IMPA2: variants seen among roughly 807,000 people sequenced by gnomAD.
IMPA2 encodes the protein IMP 2.
In IMPA2, 32 loss-of-function variants were observed where a neutral mutation model predicts 35.1. That is an observed-to-expected ratio of 0.91 (90% CI 0.69 to 1.23). IMPA2 has a LOEUF of 1.23. Ranked by LOEUF, IMPA2 falls within the 50% of genes most tolerant of loss-of-function variation. The pLI, the probability that IMPA2 is intolerant of heterozygous loss-of-function variation, is 0.00. For synonymous variants in IMPA2, 135 were observed against 160.6 expected, an observed-to-expected ratio of 0.84 and a Z score of 1.20; for missense variants, 334 against 387.6, an observed-to-expected ratio of 0.86 and a Z score of 1.16.
At chr18:12,017,027 CCT>C (rs1907597398) in intron 5 of IMPA2, among the ~76,000 whole-genome samples, 1 of 152,126 alleles carries the variant, frequency 6.6e-6, no homozygotes. Context: ...TCTCTTTCTC[CCT>C]CTCTCTTTCT....
chr18:11,981,953 C>T (rs1906512855), intron 1 of IMPA2, among the ~76,000 whole-genome samples, 188 bp downstream of exon 1: 1 of 152,232 alleles, frequency 6.6e-6, no homozygotes, highest in Non-Finnish European at 1.5e-5. Context: ...CCGCGCCCTT[C>T]TCCAACTCCC....
At chr18:11,999,781 T>G (rs1245037049) in intron 2 of IMPA2, among the ~76,000 whole-genome samples, 1 of 152,368 alleles carries the variant, frequency 6.6e-6, no homozygotes, top group East Asian at 1.9e-4. Flanking sequence ...GGGGTCACCC[T>G]TTGAGTATTT....
intron 6 of IMPA2, 168 bp from the exon 7 acceptor site, chr18:12,028,674 T>C: frequency 1.3e-6 from 1 of 756,710 alleles, no homozygotes; most frequent in Non-Finnish European, 2.1e-6. Context: ...GGCCTGTTGG[T>C]TGGTGGCTCC....
chr18:12,024,997 G>T (rs920260372), intron 5 of IMPA2, among the ~76,000 whole-genome samples: 1 of 152,138 alleles, frequency 6.6e-6, no homozygotes, highest in Non-Finnish European at 1.5e-5. Context: ...GTATCATATA[G>T]AATATTTTCG....
intron 2 of IMPA2, among the ~76,000 whole-genome samples, chr18:12,008,136 C>T (rs1907329539): frequency 6.6e-6 from 1 of 152,002 alleles, no homozygotes; most frequent in Non-Finnish European, 1.5e-5. Flanking sequence ...GCTGGGAGTA[C>T]AGGCGCCCAC....
In IMPA2 at chr18:12,012,436, G is replaced by A. The variant is rs574147823; in HGVS notation, c.381+221G>A. 1,143 of 570,064 alleles carry A rather than the reference G, an allele frequency of 2.0e-3. 3 individuals carry two copies. Among genetic ancestry groups the A allele is most frequent in the Admixed American group, 3.7e-3 (121 of 32,854 alleles). 35.3% of individuals were successfully genotyped at this position (570,064 alleles called of 1,614,324 possible). On this transcript the variant is annotated intron_variant, in intron 4 of 7. Coordinates refer to ENST00000269159, the MANE Select transcript of IMPA2 (RefSeq NM_014214.3). ...GCTCCGTGGCTGGCCCTTGTCCCCC[G>A]TGGAGGGCTGGCCTCGTGTCAACCG...
At chr18:12,007,202 T>G (rs143170668) in intron 2 of IMPA2, among the ~76,000 whole-genome samples, 1 of 150,656 alleles carries the variant, frequency 6.6e-6, no homozygotes, top group Non-Finnish European at 1.5e-5. Context: ...AGGACAGCAC[T>G]GCCAGCGGCT....
At chr18:12,017,405 C>G (rs2143814556) in intron 5 of IMPA2, among the ~76,000 whole-genome samples, 1 of 152,276 alleles carries the variant, frequency 6.6e-6, no homozygotes, top group East Asian at 1.9e-4. Flanking sequence ...ATATCACTCT[C>G]TACCCAAAAT....
rs1286231728 is a variant in IMPA2 at position 11,991,172 on chromosome 18, G to A, written c.97-7882G>A. 2.0e-5 allele frequency among the ~76,000 whole-genome samples: 3 copies of A among 152,212 alleles called. No individual in the cohort carries two copies. Among genetic ancestry groups the A allele is most frequent in the African/African-American group, 4.8e-5 (2 of 41,446 alleles). ...AGGAAAGCCACGAGGGGAGGCAGGGGCCACAGGCCACGGGCCCTGGAACAC... is the reference window on the plus strand; with the variant it reads ...AGGAAAGCCACGAGGGGAGGCAGGGACCACAGGCCACGGGCCCTGGAACAC... On this transcript the variant is annotated intron_variant, in intron 1 of 7. Transcript: ENST00000269159. The surrounding 1 kb of genome is among the most constrained non-coding windows in gnomAD (Gnocchi z 4.1).
At chr18:12,017,914 A>C (rs996437318) in intron 5 of IMPA2, 1 of 235,214 alleles carries the variant, frequency 4.3e-6, no homozygotes, top group Admixed American at 5.9e-5. Flanking sequence ...TATAGAGTCG[A>C]TAATGAGTTA....
chr18:12,030,264 A>C, intron 7 of IMPA2, 79 bp from the exon 8 acceptor site: 2 of 1,015,888 alleles, frequency 2.0e-6, no homozygotes, highest in South Asian at 2.7e-5. Context: ...TGCTGTGTGC[A>C]TGTGGGATAA....
rs776366524 is a variant in IMPA2, at chr18:12,009,952, C to T, written c.300C>T (p.Ile100=). 8 of 1,613,954 alleles carry T rather than the reference C, an allele frequency of 5.0e-6. No homozygotes were observed. Among genetic ancestry groups the T allele is most frequent in the East Asian group, 4.5e-5 (2 of 44,892 alleles). ...TCACCCACAGCCCGACGTGGATCAT[C>T]GACCCCATCGACGGCACCTGCAATT... ...CVLTHSPTWI[I]DPIDGTCNFV... Residue 100 remains isoleucine, a synonymous_variant, in exon 3 of 8, where the codon ATC becomes ATT. Transcript: ENST00000269159.
rs750396340 is a variant in IMPA2, at chr18:12,028,047, C to T, written c.495C>T (p.Leu165=). ...QRLRVSGETD[L]SKALVLTEIG... is the part of the protein sequence containing the mutation. ...AGGAAATTCTTTTTATTGCAGATCT[C>T]TCAAAGGCCTTGGTTCTGACAGAAA... The change falls in exon 6 of 8, where the codon CTC becomes CTT. Residue 165 remains leucine (L), a synonymous_variant. Transcript: ENST00000269159. 6 of 1,611,190 alleles carry T rather than the reference C, an allele frequency of 3.7e-6. No individual in the cohort carries two copies. The South Asian group carries it at 6.6e-5, about 18-fold the overall frequency.
At chr18:12,016,105 A>C (rs1047908053) in intron 5 of IMPA2, among the ~76,000 whole-genome samples, 10 of 152,222 alleles carry the variant, frequency 6.6e-5, no homozygotes, top group African/African-American at 2.4e-4. Context: ...CTTTAGAAAA[A>C]TTCTGATGGA....
At position 11,999,183 on chromosome 18, in the gene IMPA2, C is replaced by T. The variant is rs1489002707; in HGVS notation, c.226C>T (p.His76Tyr). The change falls in exon 2 of 8, where the codon CAC (histidine) becomes TAC (tyrosine). Residue 76 changes from histidine to tyrosine, a missense_variant. Transcript: ENST00000269159. ...TGAGTTGCGAGAGAGGTTTCCTTCACACAGGTAGGTGTACTCCTCTGGGAA... is the reference window on the plus strand; with the variant it reads ...TGAGTTGCGAGAGAGGTTTCCTTCATACAGGTAGGTGTACTCCTCTGGGAA... The part of the protein sequence containing the change: ...ISELRERFPS[H>Y]RFIAEEAAAS... 1.1e-5 allele frequency: 17 copies of T among 1,613,278 alleles called. No individual in the cohort carries two copies. Among genetic ancestry groups the T allele is most frequent in the Non-Finnish European group, 1.2e-5 (14 of 1,179,634 alleles).
chr18:11,990,074 C>A (rs898701485), intron 1 of IMPA2, among the ~76,000 whole-genome samples: 1 of 152,140 alleles, frequency 6.6e-6, no homozygotes, highest in South Asian at 2.1e-4. Context: ...GCCTGGTTTG[C>A]GTCTTCTCTC....
Position 12,014,326 on chromosome 18 carries a change from G to T in IMPA2, c.443G>T (p.Arg148Leu), listed in dbSNP as rs12956274. 2.5e-6 allele frequency: 4 copies of T among 1,609,342 alleles called. No homozygotes were observed. The highest frequency in any genetic ancestry group is 3.4e-6 in the Non-Finnish European group (4 of 1,178,008). Reference protein sequence around the residue: ...EERLYTGRRGRGAFCNGQRLR... With the variant: ...EERLYTGRRGLGAFCNGQRLR... ...CGGCTGTACACGGGCCGGCGGGGTC[G>T]GGGCGCCTTCTGCAATGGCCAGCGG... The change falls in exon 5 of 8, where the codon CGG becomes CTG. Residue 148 changes from arginine (R) to leucine (L), a missense_variant. By Grantham distance (102) the Arg-to-Leu change is moderately radical. Coordinates refer to ENST00000269159, the MANE Select transcript of IMPA2 (RefSeq NM_014214.3).
Position 12,013,920 on chromosome 18 carries a change from A to G in IMPA2, c.382-345A>G, listed in dbSNP as rs113279300. Among the ~76,000 whole-genome samples, 911 of 152,302 alleles carry G rather than the reference A, an allele frequency of 6.0e-3. 13 individuals are homozygous for G. Among genetic ancestry groups the G allele is most frequent in the African/African-American group, 0.02 (837 of 41,566 alleles). On this transcript the variant is annotated intron_variant, in intron 4 of 7. Coordinates refer to ENST00000269159, the MANE Select transcript of IMPA2 (RefSeq NM_014214.3). ...GGGTTTGGTTAGAGTCACAAGTAAC[A>G]TTCTTTTTTTCAGCAACAAAAGGGG...
intron 1 of IMPA2, among the ~76,000 whole-genome samples, chr18:11,986,947 C>G (rs757306560): frequency 6.6e-6 from 1 of 152,074 alleles, no homozygotes; most frequent in East Asian, 1.9e-4. Flanking sequence ...CTTTCTAATG[C>G]AACTTGTATT....
Sources: gnomAD v4.1 joint callset for allele counts (sites outside exome capture counted in the v4.1 genomes callset) on GRCh38, gnomAD v4.1.1 for gene constraint, Gnocchi (gnomAD v3.1) non-coding constraint, MANE v1.5 for transcripts, NCBI Gene and HGNC (gene_info 2026-07-23, HGNC 2026-07-21) for gene names.